The following AKAP11 variants were observed in gnomAD, a reference collection of about 807,000 sequenced individuals.
AKAP11 encodes the protein A-kinase anchor protein 11.
AKAP11 carries 36 observed loss-of-function variants against 146.1 expected under a neutral mutation model. That is an observed-to-expected ratio of 0.25 (90% CI 0.19 to 0.33). The LOEUF (loss-of-function observed/expected upper bound fraction) is 0.33. AKAP11 is among the 10% of genes least tolerant of loss of function. The pLI is 1.00. For missense variants in AKAP11, 2,201 were observed against 2,197.0 expected (o/e 1.00, Z -0.04); for synonymous variants, 780 against 786.5 (o/e 0.99, Z 0.14).
intron 3 of AKAP11, among the ~76,000 whole-genome samples, chr13:42,291,226 G>A (rs1425990247): frequency 5.9e-5 from 9 of 151,998 alleles, no homozygotes; most frequent in Admixed American, 4.6e-4. Flanking sequence ...TGTTTTAATG[G>A]GTAGGAAAGA....
At chr13:42,271,910 T>G (rs547746187), upstream of AKAP11, among the ~76,000 whole-genome samples, 99 of 151,718 alleles carry the variant, frequency 6.5e-4, no homozygotes, top group Admixed American at 1.6e-3. Flanking sequence ...AGGCTTTTTT[T>G]CCTGTTCCTT....
At position 42,303,341 on chromosome 13, in the gene AKAP11, G is replaced by T. The variant is rs141232487; in HGVS notation, c.4595G>T (p.Cys1532Phe). 9 of 1,612,650 alleles carry T rather than the reference G, an allele frequency of 5.6e-6. No individual in the cohort carries two copies. The African/African-American group carries it at 1.1e-4, about 19-fold the overall frequency. ...HSTGSLNGYG[C>F]GDNVVQAVEQ... ...ACTGGCAGTTTAAATGGATATGGTTGTGGAGACAATGTTGTTCAAGCTGTA... is the reference window on the plus strand; with the variant it reads ...ACTGGCAGTTTAAATGGATATGGTTTTGGAGACAATGTTGTTCAAGCTGTA... The change falls in exon 8 of 13, where the codon TGT (cysteine) becomes TTT (phenylalanine). Residue 1532 changes from cysteine (C) to phenylalanine (F), a missense_variant. Physicochemically the swap from Cys to Phe is radical, Grantham distance 205 (BLOSUM62 -2). Transcript: ENST00000025301.
intron 1 of AKAP11, among the ~76,000 whole-genome samples, chr13:42,275,842 C>T (rs911263282): frequency 6.6e-5 from 10 of 152,050 alleles, no homozygotes; most frequent in East Asian, 1.9e-4. Context: ...TGCAAGGGTA[C>T]GGTATTAGTA....
chr13:42,313,452 T>G (rs1233883479), intron 10 of AKAP11, among the ~76,000 whole-genome samples: 1 of 152,226 alleles, frequency 6.6e-6, no homozygotes, highest in East Asian at 1.9e-4. Context: ...TGTTTTATTT[T>G]TGTGTGTGAT....
chr13:42,300,403 T>A lies in AKAP11; in HGVS notation c.1657T>A (p.Phe553Ile). Residue 553 changes from phenylalanine (F) to isoleucine (I), a missense_variant, in exon 8 of 13, where the codon TTT (phenylalanine) becomes ATT (isoleucine). By Grantham distance (21) the Phe-to-Ile change is conservative (BLOSUM62 0). Transcript: ENST00000025301. ...SLMIKDSIQK[F>I]AADLVEKSFG... Reference sequence around the variant, plus strand: ...AATGATTAAAGATAGCATTCAAAAATTTGCAGCAGATCTTGTGGAAAAAAG... The same window carrying A: ...AATGATTAAAGATAGCATTCAAAAAATTGCAGCAGATCTTGTGGAAAAAAG... 6.2e-7 allele frequency: 1 copy of A among 1,611,822 alleles called. No homozygotes were observed. The highest frequency in any genetic ancestry group is 8.5e-7 in the Non-Finnish European group (1 of 1,179,486).
chr13:42,313,584 A>G (rs1960671403), intron 10 of AKAP11, among the ~76,000 whole-genome samples: 2 of 152,364 alleles, frequency 1.3e-5, no homozygotes, highest in South Asian at 4.1e-4. Context: ...TTCAAATGCT[A>G]CATTAAATTA....
In AKAP11 at chr13:42,299,318, A is replaced by G. The variant is rs745422523; in HGVS notation, c.617-45A>G. ...CATGGATTTAAGTTAATTTCCAAAAAGTTTTGTTCAAAAATAATTTCACCA... is the reference window on the plus strand; with the variant it reads ...CATGGATTTAAGTTAATTTCCAAAAGGTTTTGTTCAAAAATAATTTCACCA... On this transcript the variant is annotated intron_variant, in intron 7 of 12. Transcript: ENST00000025301. The G allele has an allele frequency of 2.0e-6, 3 of 1,518,932 alleles. No individual in the cohort carries two copies. In the South Asian group the frequency reaches 3.9e-5, roughly 20 times the overall value. The allele number at this position is 1,518,932 out of a possible 1,614,324, so 94.1% of individuals were successfully genotyped here. A position where few individuals can be genotyped will look rare whatever the true frequency, so the allele number is the denominator to read the frequency against.
In AKAP11 at chr13:42,301,574, C is replaced by G. The variant is rs532659984; in HGVS notation, c.2828C>G (p.Ser943Cys). The G allele has an allele frequency of 6.2e-7, 1 of 1,614,074 alleles. No homozygotes were observed. Among genetic ancestry groups the G allele is most frequent in the Non-Finnish European group, 8.5e-7 (1 of 1,179,974 alleles). Residue 943 changes from serine to cysteine, a missense_variant, in exon 8 of 13, where the codon TCT becomes TGT. Physicochemically the swap from Ser to Cys is moderately radical, Grantham distance 112 (BLOSUM62 -1). Transcript: ENST00000025301. The part of the protein sequence containing the change: ...SNKDMFADRL[S>C]KSIIKHSIDK... Reference sequence around the variant, plus strand: ...AAGGACATGTTTGCTGACCGGTTATCTAAATCTATTATTAAACATTCCATA... The same window carrying G: ...AAGGACATGTTTGCTGACCGGTTATGTAAATCTATTATTAAACATTCCATA...
chr13:42,316,101 A>G (rs1191534798), intron 11 of AKAP11, among the ~76,000 whole-genome samples: 2 of 152,168 alleles, frequency 1.3e-5, no homozygotes, highest in Non-Finnish European at 2.9e-5. Flanking sequence ...TGCCAAACCT[A>G]TTTTTGATTG....
At position 42,288,400 on chromosome 13, in the gene AKAP11, T is replaced by A. The variant is rs542058489; in HGVS notation, c.51+2001T>A. Among the ~76,000 whole-genome samples, 3 of 152,344 alleles carry A rather than the reference T, an allele frequency of 2.0e-5. No individual in the cohort carries two copies. The South Asian group carries it at 6.2e-4, about 32-fold the overall frequency. ...GTAGTTAATAATTTGTCTTGTTTGC[T>A]TTGTGTCTGTGTATGTGTGTATTTA... On this transcript the variant is annotated intron_variant, in intron 3 of 12. Coordinates refer to ENST00000025301, the MANE Select transcript of AKAP11 (RefSeq NM_016248.4).
At chr13:42,276,049 TG>T (rs1189411986) in intron 1 of AKAP11, among the ~76,000 whole-genome samples, 1 of 152,196 alleles carries the variant, frequency 6.6e-6, no homozygotes, top group Non-Finnish European at 1.5e-5. Flanking sequence ...CATTTATTTG[TG>T]GTTCCTTTTA....
intron 11 of AKAP11, among the ~76,000 whole-genome samples, chr13:42,317,319 A>T (rs532973513): frequency 6.6e-6 from 1 of 152,248 alleles, no homozygotes; most frequent in Non-Finnish European, 1.5e-5. Flanking sequence ...TGCAATCAAT[A>T]AATGATCAAA....
At chr13:42,285,212 CTT>C (rs1959144004) in intron 1 of AKAP11, among the ~76,000 whole-genome samples, 2 of 151,960 alleles carry the variant, frequency 1.3e-5, no homozygotes. Context: ...CATTTTTTGT[CTT>C]TTTGTTTTTT....
At chr13:42,288,490 G>A (rs763148810) in intron 3 of AKAP11, among the ~76,000 whole-genome samples, 45 of 152,172 alleles carry the variant, frequency 3.0e-4, no homozygotes, top group Non-Finnish European at 6.3e-4. Context: ...ACTTCAGCAT[G>A]CTTCTCCCAG....
At chr13:42,311,183 A>G (rs1960544502) in intron 9 of AKAP11, among the ~76,000 whole-genome samples, 1 of 152,240 alleles carries the variant, frequency 6.6e-6, no homozygotes, top group Non-Finnish European at 1.5e-5. Flanking sequence ...GCTGCAATAA[A>G]GCATTGCAGT....
At chr13:42,286,128 T>C (rs1465963092) in intron 2 of AKAP11, 93 bp downstream of exon 2, 3 of 341,168 alleles carry the variant, frequency 8.8e-6, no homozygotes, top group African/African-American at 4.3e-5. Flanking sequence ...TTCATATATT[T>C]TTCAAATATT....
chr13:42,272,874 A>G (rs1440335058), intron 1 of AKAP11, among the ~76,000 whole-genome samples: 1 of 152,246 alleles, frequency 6.6e-6, no homozygotes, highest in Non-Finnish European at 1.5e-5. Context: ...CAGGCATCTA[A>G]GCTGCTTTAT....
Position 42,303,737 on chromosome 13 carries a change from G to C in AKAP11, c.4991G>C (p.Arg1664Pro), listed in dbSNP as rs536746094. ...GCTGAAGCCATTGAAAAAGCTGAGC[G>C]AGAGCTGAGCAGTACCAGCCTGGCA... is the stretch of plus-strand genomic sequence containing the variant. The part of the protein sequence containing the change: ...IVAEAIEKAE[R>P]ELSSTSLAAD... Residue 1664 changes from arginine to proline, a missense_variant, in exon 8 of 13, where the codon CGA (arginine) becomes CCA (proline). Coordinates refer to ENST00000025301, the MANE Select transcript of AKAP11 (RefSeq NM_016248.4). 6.2e-7 allele frequency: 1 copy of C among 1,614,144 alleles called. No homozygotes were observed.
intron 7 of AKAP11, 91 bp from the exon 8 acceptor site, chr13:42,299,272 A>G (rs913236572): frequency 6.7e-6 from 7 of 1,039,552 alleles, no homozygotes; most frequent in African/African-American, 1.6e-5. Context: ...TAAATATTAT[A>G]TGTTTAAAGT....
Sources: allele counts gnomAD v4.1 joint callset (sites outside exome capture counted in the v4.1 genomes callset), GRCh38; gene constraint gnomAD v4.1.1; transcripts MANE v1.5; gene names NCBI Gene and HGNC (gene_info 2026-07-23, HGNC 2026-07-21).